UBTD1: variants seen among roughly 807,000 people sequenced by gnomAD.
UBTD1 encodes the protein ubiquitin domain-containing protein 1.
A neutral mutation model predicts 21.7 loss-of-function variants in UBTD1; 19 were observed. The ratio of observed to expected loss-of-function variants is 0.87; its 90% CI spans 0.61 to 1.28. The LOEUF is 1.28. Ranked by LOEUF, UBTD1 falls within the 50% of genes most tolerant of loss-of-function variation. The probability of loss-of-function intolerance (pLI) is 0.00; values close to 1 mark genes in which losing one functional copy is unlikely to be tolerated. For synonymous variants in UBTD1, 116 were observed against 135.1 expected (o/e 0.86, Z 0.98); for missense variants, 282 against 315.1 (o/e 0.89, Z 0.80).
At chr10:97,530,392 C>T (rs1324318738) in intron 1 of UBTD1, among the ~76,000 whole-genome samples, 4 of 152,174 alleles carry the variant, frequency 2.6e-5, no homozygotes, top group South Asian at 2.1e-4. Context: ...GAGTTACAGT[C>T]GCGCCACTGC....
In UBTD1 at chr10:97,505,705, G is replaced by A. The variant is rs556487909; in HGVS notation, c.70+6432G>A. On this transcript the variant is annotated intron_variant, in intron 1 of 2. Transcript: ENST00000370664. ...AGCCTCTTGATCTCTTTGAGCCTCA[G>A]TTTCCCCATTTGTGCCATGAGGTGA... 3.3e-5 allele frequency among the ~76,000 whole-genome samples: 5 copies of A among 152,290 alleles called. No individual in the cohort carries two copies. The South Asian group carries it at 1.0e-3, about 32-fold the overall frequency.
intron 1 of UBTD1, among the ~76,000 whole-genome samples, chr10:97,546,852 A>T (rs1731423237): frequency 6.6e-6 from 1 of 152,082 alleles, no homozygotes. Flanking sequence ...GTGGTGGAGT[A>T]GTTTGGCAGA....
intron 1 of UBTD1, among the ~76,000 whole-genome samples, chr10:97,512,396 A>G (rs1004674039): frequency 2.6e-5 from 4 of 152,202 alleles, no homozygotes; most frequent in Non-Finnish European, 5.9e-5. Flanking sequence ...CCAAGAGCTC[A>G]TTTAGGTCTG....
chr10:97,555,149 C>G (rs1453877231), intron 1 of UBTD1, among the ~76,000 whole-genome samples: 2 of 152,124 alleles, frequency 1.3e-5, no homozygotes, highest in Non-Finnish European at 1.5e-5. Flanking sequence ...GTCCCATACC[C>G]AAGGATCCCT....
chr10:97,514,936 G>C (rs935604231), intron 1 of UBTD1, among the ~76,000 whole-genome samples: 2 of 152,192 alleles, frequency 1.3e-5, no homozygotes, highest in African/African-American at 4.8e-5. Flanking sequence ...GATCCTCTGA[G>C]GTTTCTTTCA....
intron 1 of UBTD1, among the ~76,000 whole-genome samples, chr10:97,528,843 G>A (rs1309225510): frequency 2.8e-5 from 4 of 143,660 alleles, no homozygotes; most frequent in Admixed American, 6.7e-5. Context: ...CAGTAGGGGC[G>A]GCCGGGCAGA....
In UBTD1 at chr10:97,570,589, T is replaced by C. The variant is rs958653271; in HGVS notation, c.*66T>C. On this transcript the variant is annotated 3_prime_UTR_variant, in exon 3 of 3. Transcript: ENST00000370664. This position sits in a 1 kb window ranked among gnomAD's most constrained non-coding sequence, Gnocchi z 6.6. Reference sequence around the variant, plus strand: ...CTAGGCCCCCACCCTGCTGCTGCCTTCCAGTGCTGTCATTTTCTTCAGGGG... The same window carrying C: ...CTAGGCCCCCACCCTGCTGCTGCCTCCCAGTGCTGTCATTTTCTTCAGGGG... 13 of 1,515,842 alleles carry C rather than the reference T, an allele frequency of 8.6e-6. No individual in the cohort carries two copies. The African/African-American group carries it at 1.8e-4, about 21-fold the overall frequency. The allele number at this position is 1,515,842 out of a possible 1,614,324, so 93.9% of individuals were successfully genotyped here.
chr10:97,552,422 G>C (rs533188519), intron 1 of UBTD1, among the ~76,000 whole-genome samples: 3 of 114,100 alleles, frequency 2.6e-5, no homozygotes, highest in Non-Finnish European at 5.3e-5. Flanking sequence ...TTGAAACACA[G>C]TCTCGTTCTG....
intron 1 of UBTD1, among the ~76,000 whole-genome samples, chr10:97,529,930 G>A (rs945288633): frequency 1.6e-4 from 24 of 152,144 alleles, no homozygotes; most frequent in African/African-American, 5.6e-4. Context: ...GGCGAGCCCA[G>A]CCCCCTTGCC....
At chr10:97,509,132 T>C (rs899741909) in intron 1 of UBTD1, among the ~76,000 whole-genome samples, 4 of 152,220 alleles carry the variant, frequency 2.6e-5, no homozygotes, top group Non-Finnish European at 5.9e-5. Context: ...AAATGCTTTC[T>C]CAAGTATTAG....
chr10:97,524,830 C>T (rs1400638029), intron 1 of UBTD1, among the ~76,000 whole-genome samples: 2 of 152,190 alleles, frequency 1.3e-5, no homozygotes, highest in African/African-American at 4.8e-5. Flanking sequence ...CATGTCTGGG[C>T]TCCAGCCAGT....
In UBTD1 at chr10:97,565,325, A is replaced by G. The variant is rs150118614; in HGVS notation, c.71-2589A>G. 2.4e-3 allele frequency among the ~76,000 whole-genome samples: 361 copies of G among 152,358 alleles called. No individual in the cohort carries two copies. In the Middle Eastern group the frequency reaches 0.024, roughly 10 times the overall value. ...TAGGAACATCTTTGTTCTTCTATAT[A>G]AAATTTAGAATCAGTTTGCCAGGTT... On this transcript the variant is annotated intron_variant, in intron 1 of 2. Transcript: ENST00000370664.
intron 1 of UBTD1, among the ~76,000 whole-genome samples, chr10:97,528,220 A>G (rs2040501675): frequency 1.1e-5 from 1 of 92,606 alleles, no homozygotes; most frequent in Non-Finnish European, 2.3e-5. Flanking sequence ...GGCCGGGCAG[A>G]GGGGCTCCTC....
At chr10:97,545,505 G>A in intron 1 of UBTD1, among the ~76,000 whole-genome samples, 1 of 151,878 alleles carries the variant, frequency 6.6e-6, no homozygotes, top group East Asian at 1.9e-4. Context: ...GCTGTTAGGT[G>A]ATTTGTTCTG....
intron 1 of UBTD1, among the ~76,000 whole-genome samples, chr10:97,537,009 T>G (rs895408198): frequency 6.6e-6 from 1 of 152,036 alleles, no homozygotes; most frequent in Non-Finnish European, 1.5e-5. Flanking sequence ...GGAGTAGACG[T>G]GCATTCGGAC....
At chr10:97,547,651 A>G (rs1309832268) in intron 1 of UBTD1, among the ~76,000 whole-genome samples, 1 of 151,628 alleles carries the variant, frequency 6.6e-6, no homozygotes, top group East Asian at 1.9e-4. Flanking sequence ...TGCAACCTCC[A>G]CCTCCTGGGT....
intron 2 of UBTD1, among the ~76,000 whole-genome samples, chr10:97,569,804 G>A (rs548855230): frequency 1.4e-4 from 22 of 152,154 alleles, no homozygotes; most frequent in African/African-American, 5.3e-4. Flanking sequence ...CTGTAAGCCA[G>A]GGCAGTGGAG....
chr10:97,549,854 C>T (rs1192528759), intron 1 of UBTD1, among the ~76,000 whole-genome samples: 6 of 152,384 alleles, frequency 3.9e-5, no homozygotes, highest in Non-Finnish European at 1.5e-5. Flanking sequence ...AGGGTCATCT[C>T]TGCTAAGTCT....
intron 1 of UBTD1, among the ~76,000 whole-genome samples, chr10:97,529,845 G>A (rs1234158675): frequency 6.6e-6 from 1 of 152,174 alleles, no homozygotes; most frequent in Non-Finnish European, 1.5e-5. Context: ...CCTGCCTCGT[G>A]TGATCTACCT....
Sources: gnomAD v4.1 joint callset for allele counts (sites outside exome capture counted in the v4.1 genomes callset) on GRCh38, gnomAD v4.1.1 for gene constraint, Gnocchi (gnomAD v3.1) non-coding constraint, MANE v1.5 for transcripts, NCBI Gene and HGNC (gene_info 2026-07-23, HGNC 2026-07-21) for gene names.